Variants in MSRA observed in about 807,000 individuals in gnomAD.
MSRA encodes mitochondrial peptide methionine sulfoxide reductase.
MSRA carries 54 observed loss-of-function variants against 31.3 expected under a neutral mutation model. The ratio of observed to expected loss-of-function variants is 1.73; its 90% CI spans 1.39 to 2.17. The LOEUF is 2.17. MSRA is among the 30% of genes most tolerant of loss of function. MSRA has a pLI of 0.00. For missense variants in MSRA, 507 were observed against 300.9 expected (o/e 1.69, Z -5.07); for synonymous variants, 169 against 116.5 (o/e 1.45, Z -2.90).
chr8:10,067,469 G>T (rs1267258259), intron 1 of MSRA, among the ~76,000 whole-genome samples: 1 of 152,168 alleles, frequency 6.6e-6, no homozygotes, highest in Non-Finnish European at 1.5e-5. Flanking sequence ...TGTTTTGGCA[G>T]TTATGAATAA....
chr8:10,278,310 A>T (rs575040285), intron 3 of MSRA, among the ~76,000 whole-genome samples: 4 of 152,186 alleles, frequency 2.6e-5, no homozygotes, highest in Non-Finnish European at 4.4e-5. Flanking sequence ...CTTGCTCTTG[A>T]CCTGGTTCTG....
intron 1 of MSRA, among the ~76,000 whole-genome samples, chr8:10,114,937 A>G (rs916226846): frequency 1.3e-5 from 2 of 152,214 alleles, no homozygotes; most frequent in African/African-American, 4.8e-5. Flanking sequence ...CTCAAGATAT[A>G]TTTGGGGGAA....
rs1239509026 is a variant in MSRA, at chr8:10,300,106, G to T, written c.332-1428G>T. ...GTAAGAGAGAAAAGCATGCTGTAAT[G>T]AATGCAGTGGAAGAAATTTGTGTGT... is the stretch of plus-strand genomic sequence containing the variant. On this transcript the variant is annotated intron_variant, in intron 3 of 5. Coordinates refer to ENST00000317173, the MANE Select transcript of MSRA (RefSeq NM_012331.5). Among the ~76,000 whole-genome samples the T allele has an allele frequency of 6.8e-5, 10 of 146,280 alleles. No individual in the cohort carries two copies. The Admixed American group carries it at 6.9e-4, about 10-fold the overall frequency.
At chr8:10,161,921 C>G (rs538032664) in intron 1 of MSRA, among the ~76,000 whole-genome samples, 1 of 152,174 alleles carries the variant, frequency 6.6e-6, no homozygotes, top group African/African-American at 2.4e-5. Context: ...ACTTGTTTTG[C>G]CCACTTGTTA....
At chr8:10,167,549 T>C (rs1805250660) in intron 1 of MSRA, among the ~76,000 whole-genome samples, 1 of 152,164 alleles carries the variant, frequency 6.6e-6, no homozygotes, top group Non-Finnish European at 1.5e-5. Flanking sequence ...CGCATGATAA[T>C]AACAATCACG....
At chr8:10,146,609 C>T (rs1410731873) in intron 1 of MSRA, among the ~76,000 whole-genome samples, 1 of 151,900 alleles carries the variant, frequency 6.6e-6, no homozygotes, top group East Asian at 1.9e-4. Flanking sequence ...AATGTGGCGG[C>T]GGTTGTACAA....
intron 3 of MSRA, among the ~76,000 whole-genome samples, chr8:10,256,950 T>A (rs945195447): frequency 6.6e-6 from 1 of 152,212 alleles, no homozygotes; most frequent in Non-Finnish European, 1.5e-5. Context: ...TTTGTTTATC[T>A]TCTAGGCTTT....
intron 3 of MSRA, among the ~76,000 whole-genome samples, chr8:10,298,221 A>G (rs1365611712): frequency 2.6e-5 from 4 of 152,248 alleles, no homozygotes; most frequent in African/African-American, 7.2e-5. Flanking sequence ...AGGTAGAGGC[A>G]ACCCACATGT....
chr8:10,305,255 A>T (rs769922859), intron 4 of MSRA, among the ~76,000 whole-genome samples: 2 of 152,168 alleles, frequency 1.3e-5, no homozygotes, highest in Non-Finnish European at 2.9e-5. Context: ...GCAAGAATGT[A>T]AGCTTAGAGT....
intron 3 of MSRA, among the ~76,000 whole-genome samples, chr8:10,246,753 G>A (rs1797642476): frequency 6.6e-6 from 1 of 152,164 alleles, no homozygotes; most frequent in South Asian, 2.1e-4. Context: ...TTGCTCTAGA[G>A]AAGGATTGAA....
chr8:10,123,298 A>G (rs886733570), intron 1 of MSRA, among the ~76,000 whole-genome samples: 1 of 152,104 alleles, frequency 6.6e-6, no homozygotes, highest in African/African-American at 2.4e-5. Flanking sequence ...CTTCTTTTTT[A>G]TATGATTGTT....
chr8:10,241,016 C>G (rs1486874010), intron 2 of MSRA, among the ~76,000 whole-genome samples: 1 of 152,048 alleles, frequency 6.6e-6, no homozygotes, highest in East Asian at 1.9e-4. Flanking sequence ...TGCATGATTC[C>G]CGATGTACAA....
At chr8:10,329,249 G>C (rs866517769) in intron 5 of MSRA, among the ~76,000 whole-genome samples, 4 of 152,202 alleles carry the variant, frequency 2.6e-5, no homozygotes, top group African/African-American at 9.7e-5. Flanking sequence ...GAAGCCCAAA[G>C]TCAATTTCCC....
At chr8:10,341,066 G>C (rs1302307851) in intron 5 of MSRA, among the ~76,000 whole-genome samples, 2 of 152,210 alleles carry the variant, frequency 1.3e-5, no homozygotes, top group East Asian at 3.8e-4. Context: ...GTGGATTCCA[G>C]ACTCCCACTC....
At chr8:10,395,287 G>A (rs1807026572) in intron 5 of MSRA, among the ~76,000 whole-genome samples, 1 of 152,184 alleles carries the variant, frequency 6.6e-6, no homozygotes, top group African/African-American at 2.4e-5. Flanking sequence ...AAGGGCTGCA[G>A]TGGGTAAGGG....
At chr8:10,178,839 T>G (rs766526358) in intron 1 of MSRA, among the ~76,000 whole-genome samples, 2 of 152,204 alleles carry the variant, frequency 1.3e-5, no homozygotes, top group South Asian at 2.1e-4. Flanking sequence ...AACTGTTGTT[T>G]CCTGTGATTT....
intron 3 of MSRA, among the ~76,000 whole-genome samples, chr8:10,285,647 TCC>T (rs1563309919): frequency 6.6e-6 from 1 of 150,692 alleles, no homozygotes; most frequent in African/African-American, 2.4e-5. Context: ...TATATCCCCT[TCC>T]CCCCACTCCT....
intron 5 of MSRA, among the ~76,000 whole-genome samples, chr8:10,348,629 A>G (rs1803939362): frequency 1.3e-5 from 2 of 152,134 alleles, no homozygotes; most frequent in South Asian, 4.2e-4. Flanking sequence ...CGGCCTCCCA[A>G]AGTGCTGGGA....
chr8:10,374,072 C>G (rs566543961), intron 5 of MSRA, among the ~76,000 whole-genome samples: 1 of 152,312 alleles, frequency 6.6e-6, no homozygotes, highest in South Asian at 2.1e-4. Flanking sequence ...GAGACATTGT[C>G]CCCTGCCATT....
Sources: allele counts gnomAD v4.1 joint callset (sites outside exome capture counted in the v4.1 genomes callset), GRCh38; gene constraint gnomAD v4.1.1; transcripts MANE v1.5; gene names NCBI Gene and HGNC (gene_info 2026-07-23, HGNC 2026-07-21).